LTBP2: variants seen among roughly 807,000 people sequenced by gnomAD.
LTBP2 encodes latent-transforming growth factor beta-binding protein 2.
In LTBP2, 103 loss-of-function variants were observed where a neutral mutation model predicts 210.6. That is an observed-to-expected ratio of 0.49 (90% CI 0.42 to 0.58). The LOEUF (loss-of-function observed/expected upper bound fraction) is 0.58. Among genes scored for constraint, LTBP2 ranks in the 20% least tolerant of loss-of-function variants. The pLI, the probability that LTBP2 is intolerant of heterozygous loss-of-function variation, is 0.00. For missense variants in LTBP2, 2,313 were observed against 2,494.5 expected (o/e 0.93, Z 1.55); for synonymous variants, 1,007 against 1,015.0 (o/e 0.99, Z 0.15).
chr14:74,580,723 G>A (rs1013625763), intron 3 of LTBP2, among the ~76,000 whole-genome samples: 1 of 152,216 alleles, frequency 6.6e-6, no homozygotes, highest in Non-Finnish European at 1.5e-5. Context: ...CAGCACTTAG[G>A]CCAAGGCAGG....
intron 3 of LTBP2, chr14:74,559,635 G>C (rs2087769199): frequency 6.7e-6 from 1 of 150,176 alleles, no homozygotes; most frequent in South Asian, 2.1e-4. Context: ...AGGCAGCTAG[G>C]ATGGAGTGGA....
chr14:74,540,803 AT>A (rs768393558), intron 8 of LTBP2, among the ~76,000 whole-genome samples: 51,160 of 68,362 alleles, frequency 0.75, 21,716 homozygotes, highest in Non-Finnish European at 0.92. Flanking sequence ...ATTTATATAT[AT>A]ATATAATATA....
At chr14:74,553,965 T>TGTGA (rs1425985160) in intron 4 of LTBP2, among the ~76,000 whole-genome samples, 2 of 137,628 alleles carry the variant, frequency 1.5e-5, no homozygotes, top group African/African-American at 5.3e-5. Flanking sequence ...TGTGTGTGTG[T>TGTGA]GAATGAGAGA....
chr14:74,604,164 C>CAAACAAAAAAAAAAAAAAAAAA lies in LTBP2; in HGVS notation c.495-460_495-459insTTTTTTTTTTTTTTTTTTGTTT, dbSNP rs1273987376. On this transcript the variant is annotated intron_variant, in intron 1 of 35. Coordinates refer to ENST00000261978, the MANE Select transcript of LTBP2 (RefSeq NM_000428.3). ...GCTCCAACTCTACATTGCCTCTCAC[C>CAAACAAAAAAAAAAAAAAAAAA]AAAAAAAAAAAAAAAAAAAACCACA... Among the ~76,000 whole-genome samples the CAAACAAAAAAAAAAAAAAAAAA allele has an allele frequency of 7.0e-4, 51 of 72,734 alleles. 2 individuals are homozygous for CAAACAAAAAAAAAAAAAAAAAA. Among genetic ancestry groups the CAAACAAAAAAAAAAAAAAAAAA allele is most frequent in the African/African-American group, 3.6e-3 (49 of 13,434 alleles). The allele number at this position is 72,734 out of a possible 152,430, so 47.7% of individuals were successfully genotyped here.
chr14:74,553,017 G>T lies in LTBP2; in HGVS notation c.1067C>A (p.Thr356Asn), dbSNP rs1442062204. 1.3e-5 allele frequency: 21 copies of T among 1,614,120 alleles called. No individual in the cohort carries two copies. The highest frequency in any genetic ancestry group is 1.5e-5 in the Non-Finnish European group (18 of 1,180,044). The change falls in exon 5 of 36, where the codon ACT becomes AAT. Residue 356 changes from threonine (T) to asparagine (N), a missense_variant. Thr to Asn is a moderately conservative substitution (Grantham distance 65). This residue lies in a region of LTBP2 where 1,867 missense variants were observed against 1,976.9 expected (regional missense o/e 0.94). Coordinates refer to ENST00000261978, the MANE Select transcript of LTBP2 (RefSeq NM_000428.3). ...EKIKKIKIVF[T>N]PTICKQTCAR... is the part of the protein sequence containing the mutation. ...ACAGGTCTGCTTGCAGATGGTGGGA[G>T]TGAAGACGATCTTGATCTTCTTGAT...
At chr14:74,534,520 C>G (rs1179554417) in intron 9 of LTBP2, among the ~76,000 whole-genome samples, 5 of 152,144 alleles carry the variant, frequency 3.3e-5, no homozygotes, top group African/African-American at 1.2e-4. Context: ...GGAGCCTTCC[C>G]TGATCCTTCC....
chr14:74,591,325 C>T (rs2088280376), intron 2 of LTBP2, among the ~76,000 whole-genome samples: 1 of 152,180 alleles, frequency 6.6e-6, no homozygotes, highest in South Asian at 2.1e-4. Context: ...GAACAAACAG[C>T]TCATGGGAAA....
chr14:74,597,971 T>G (rs1444223576), intron 2 of LTBP2, among the ~76,000 whole-genome samples: 3 of 152,258 alleles, frequency 2.0e-5, no homozygotes, highest in African/African-American at 7.2e-5. Flanking sequence ...AGCGAGGTGC[T>G]GCGCTCACTG....
chr14:74,501,418 C>G, intron 35 of LTBP2, 23 bp downstream of exon 35: 2 of 1,613,996 alleles, frequency 1.2e-6, no homozygotes, highest in Non-Finnish European at 1.7e-6. Flanking sequence ...AGCCTGACTC[C>G]TCCATCAGAA....
chr14:74,546,595 G>A (rs1004212724), intron 8 of LTBP2, among the ~76,000 whole-genome samples: 1 of 152,234 alleles, frequency 6.6e-6, no homozygotes, highest in Admixed American at 6.5e-5. Flanking sequence ...GCGCTGAGAT[G>A]TTCTGAACAC....
chr14:74,502,971 G>A, intron 33 of LTBP2, 37 bp from the exon 34 acceptor site: 1 of 1,605,476 alleles, frequency 6.2e-7, no homozygotes. Flanking sequence ...CTGGGTTCTA[G>A]CTCCTGCCAG....
rs2087029832 is a variant in LTBP2, at chr14:74,508,918, G to A, written c.3438C>T (p.Cys1146=). The part of the protein sequence containing the change: ...VDECEDPQSS[C]LGGECKNTVG... Reference sequence around the variant, plus strand: ...CAGTGTTCTTGCACTCGCCTCCCAGGCAGCTGCTCTGGGGGTCTTCACATT... The same window carrying A: ...CAGTGTTCTTGCACTCGCCTCCCAGACAGCTGCTCTGGGGGTCTTCACATT... Residue 1146 remains cysteine (C), a synonymous_variant, in exon 23 of 36, where the codon TGC becomes TGT. Coordinates refer to ENST00000261978, the MANE Select transcript of LTBP2 (RefSeq NM_000428.3). 6.2e-7 allele frequency: 1 copy of A among 1,613,670 alleles called. No homozygotes were observed. The highest frequency in any genetic ancestry group is 1.3e-5 in the African/African-American group (1 of 74,896).
At position 74,612,051 on chromosome 14, in the gene LTBP2, TTC is replaced by T. The variant is rs2139816528; in HGVS notation, c.-109_-108del. 1 of 1,279,882 alleles carries T rather than the reference TTC, an allele frequency of 7.8e-7. No individual in the cohort carries two copies. The highest frequency in any genetic ancestry group is 2.9e-5 in the East Asian group (1 of 34,788). 79.3% of individuals were successfully genotyped at this position (1,279,882 alleles called of 1,614,324 possible). A position where few individuals can be genotyped will look rare whatever the true frequency, so the allele number is the denominator to read the frequency against. On this transcript the variant is annotated 5_prime_UTR_variant, in exon 1 of 36. Transcript: ENST00000261978. ...CTCCCGGCCCCGCCCGGCGGCCAGC[TTC>T]TCTGAGTCTAGGGGGCCCTGAAGCG...
intron 30 of LTBP2, among the ~76,000 whole-genome samples, chr14:74,504,336 G>A (rs1449571888): frequency 6.6e-6 from 1 of 152,206 alleles, no homozygotes. Context: ...TCCTTCTCAA[G>A]ACTAGCTTCA....
At chr14:74,563,953 T>C (rs1426445369) in intron 3 of LTBP2, among the ~76,000 whole-genome samples, 1 of 133,806 alleles carries the variant, frequency 7.5e-6, no homozygotes, top group East Asian at 2.1e-4. Context: ...TTAATAACAG[T>C]GGTTACCTAC....
At chr14:74,572,018 C>T (rs1739722435) in intron 3 of LTBP2, among the ~76,000 whole-genome samples, 1 of 151,544 alleles carries the variant, frequency 6.6e-6, no homozygotes, top group African/African-American at 2.4e-5. Context: ...CCATGAATCA[C>T]AGACACAAAA....
intron 30 of LTBP2, 123 bp from the exon 31 acceptor site, chr14:74,504,177 G>T: frequency 8.0e-7 from 1 of 1,254,986 alleles, no homozygotes; most frequent in Non-Finnish European, 1.1e-6. Flanking sequence ...GTGGCTTTGG[G>T]CAAGTTGCTT....
intron 2 of LTBP2, among the ~76,000 whole-genome samples, chr14:74,593,731 C>T (rs1407956858): frequency 6.6e-6 from 1 of 152,142 alleles, no homozygotes; most frequent in Non-Finnish European, 1.5e-5. Flanking sequence ...AGATATAGAA[C>T]ATTTCCATCA....
At chr14:74,577,746 A>AT (rs137936280) in intron 3 of LTBP2, among the ~76,000 whole-genome samples, 1,642 of 150,790 alleles carry the variant, frequency 0.011, 18 homozygotes, top group African/African-American at 0.038. Context: ...ACCTCCAGTG[A>AT]TCCGCCTGTC....
Sources: gnomAD v4.1 joint callset for allele counts (sites outside exome capture counted in the v4.1 genomes callset) on GRCh38, gnomAD v4.1.1 for gene constraint, gnomAD v4.1.1 regional missense constraint, MANE v1.5 for transcripts, NCBI Gene and HGNC (gene_info 2026-07-23, HGNC 2026-07-21) for gene names.